The following KLHL14 variants were observed in gnomAD, a reference collection of about 807,000 sequenced individuals.
The protein encoded by KLHL14 is kelch like family member 14, also known as kelch-like protein 14.
Under a neutral mutation model 64.3 loss-of-function variants are expected in KLHL14, and 22 were observed. The observed-to-expected ratio is 0.34, with a 90% CI of 0.24 to 0.49. The LOEUF (loss-of-function observed/expected upper bound fraction) is 0.49. Ranked by LOEUF, KLHL14 falls within the 20% of genes least tolerant of loss-of-function variation. The probability of loss-of-function intolerance (pLI) is 0.99; values close to 1 mark genes in which losing one functional copy is unlikely to be tolerated. For synonymous variants in KLHL14, 322 were observed against 333.4 expected (o/e 0.97, Z 0.37); for missense variants, 661 against 789.0 (o/e 0.84, Z 1.94).
At chr18:32,696,220 A>G (rs942790011) in intron 3 of KLHL14, among the ~76,000 whole-genome samples, 2 of 152,174 alleles carry the variant, frequency 1.3e-5, no homozygotes, top group Non-Finnish European at 2.9e-5. Flanking sequence ...CAGGAACATC[A>G]CAAATATCTA....
chr18:32,769,998 C>A lies in KLHL14; in HGVS notation c.594G>T (p.Leu198=). 1.2e-6 allele frequency: 2 copies of A among 1,614,204 alleles called. No individual in the cohort carries two copies. The highest frequency in any genetic ancestry group is 1.7e-6 in the Non-Finnish European group (2 of 1,180,040). ...TGTTGGCCAGCTTCTTGGTCTCCTC[C>A]AGGCCGTGCAGCGCGGCGATCTTGC... ...QVCKIAALHG[L]EETKKLANKY... Residue 198 remains leucine (L), a synonymous_variant, in exon 2 of 9, where the codon CTG becomes CTT. Coordinates refer to ENST00000359358, the MANE Select transcript of KLHL14 (RefSeq NM_020805.3).
At chr18:32,768,390 GACACACACAC>G (rs10567081) in intron 2 of KLHL14, among the ~76,000 whole-genome samples, 69 of 141,670 alleles carry the variant, frequency 4.9e-4, no homozygotes, top group South Asian at 7.2e-4. Context: ...GAAACATAAT[GACACACACAC>G]ACACACACAC....
chr18:32,679,140 A>G (rs893470659), intron 7 of KLHL14, among the ~76,000 whole-genome samples: 1 of 152,164 alleles, frequency 6.6e-6, no homozygotes, highest in African/African-American at 2.4e-5. Flanking sequence ...GACATGCACT[A>G]GGCTACTGGC....
At chr18:32,735,932 T>C (rs541133740) in intron 3 of KLHL14, among the ~76,000 whole-genome samples, 12 of 152,280 alleles carry the variant, frequency 7.9e-5, no homozygotes, top group African/African-American at 2.6e-4. Context: ...TTTCAGTACT[T>C]ACATTCAATG....
intron 2 of KLHL14, among the ~76,000 whole-genome samples, chr18:32,762,544 T>A (rs899428248): frequency 6.6e-6 from 1 of 152,162 alleles, no homozygotes; most frequent in African/African-American, 2.4e-5. Flanking sequence ...ACCTTTCTGC[T>A]TTACTTCTAG....
intron 5 of KLHL14, among the ~76,000 whole-genome samples, chr18:32,686,088 T>A (rs920720244): frequency 2.0e-5 from 3 of 150,934 alleles, no homozygotes; most frequent in Non-Finnish European, 3.0e-5. Flanking sequence ...CTAGGCTCAC[T>A]GCAACCTCTG....
Position 32,703,547 on chromosome 18 carries a change from A to T in KLHL14, c.1070-7995T>A, listed in dbSNP as rs79777493. 5.4e-3 allele frequency among the ~76,000 whole-genome samples: 828 copies of T among 152,306 alleles called. 5 individuals carry two copies. Among genetic ancestry groups the T allele is most frequent in the African/African-American group, 0.019 (785 of 41,568 alleles). The stretch of plus-strand genomic sequence containing the variant: ...TATATTATTTCTTTCCAGAACTATG[A>T]TAACACCTAATTGTGCCAAGGGCAA... On this transcript the variant is annotated intron_variant, in intron 3 of 8. Transcript: ENST00000359358.
At chr18:32,714,917 ACT>A (rs1010923884) in intron 3 of KLHL14, among the ~76,000 whole-genome samples, 38 of 151,258 alleles carry the variant, frequency 2.5e-4, no homozygotes, top group African/African-American at 8.7e-4. Context: ...TGCAGATTAC[ACT>A]GAGTTGGAGA....
chr18:32,730,027 T>C (rs1354844306), intron 3 of KLHL14, among the ~76,000 whole-genome samples: 1 of 152,228 alleles, frequency 6.6e-6, no homozygotes, highest in African/African-American at 2.4e-5. Flanking sequence ...GAATGGTCTA[T>C]TGTTTTCATC....
chr18:32,675,992 A>C (rs1017650400), intron 8 of KLHL14, among the ~76,000 whole-genome samples: 5 of 152,218 alleles, frequency 3.3e-5, no homozygotes, highest in Non-Finnish European at 7.3e-5. Flanking sequence ...AAACTAACAC[A>C]GGTAATCAGG....
At chr18:32,697,243 T>A (rs955878450) in intron 3 of KLHL14, among the ~76,000 whole-genome samples, 1 of 152,206 alleles carries the variant, frequency 6.6e-6, no homozygotes, top group Non-Finnish European at 1.5e-5. Context: ...AGGTAGAATA[T>A]GTTTGAAAGG....
In KLHL14 at chr18:32,741,112, T is replaced by C. The variant is rs111742693; in HGVS notation, c.1069+816A>G. Among the ~76,000 whole-genome samples the C allele has an allele frequency of 3.4e-3, 525 of 152,372 alleles. 1 individual carries two copies. Among genetic ancestry groups the C allele is most frequent in the African/African-American group, 0.012 (502 of 41,588 alleles). On this transcript the variant is annotated intron_variant, in intron 3 of 8. Transcript: ENST00000359358. The stretch of plus-strand genomic sequence containing the variant: ...TTATGGATTAAAATTGCTCATTTAT[T>C]ATTTTATCTATACAGCTCTGGGCAA...
intron 3 of KLHL14, among the ~76,000 whole-genome samples, chr18:32,701,879 G>T (rs2049967841): frequency 6.6e-6 from 1 of 152,156 alleles, no homozygotes. Flanking sequence ...TATCTGTAGG[G>T]TTGATTCTTC....
chr18:32,693,413 C>CACACACACACACACACACACAGAG (rs1229737083), intron 4 of KLHL14, among the ~76,000 whole-genome samples: 10 of 97,034 alleles, frequency 1.0e-4, no homozygotes, highest in African/African-American at 4.8e-4. Context: ...CACACACACA[C>CACACACACACACACACACACAGAG]AGAGAGAGAG....
At chr18:32,730,304 C>G (rs1312094695) in intron 3 of KLHL14, among the ~76,000 whole-genome samples, 1 of 152,184 alleles carries the variant, frequency 6.6e-6, no homozygotes, top group Non-Finnish European at 1.5e-5. Context: ...GAGCTATGAT[C>G]TCTCTCCTCC....
At chr18:32,695,130 A>C (rs919414449) in intron 4 of KLHL14, among the ~76,000 whole-genome samples, 1 of 152,118 alleles carries the variant, frequency 6.6e-6, no homozygotes, top group Non-Finnish European at 1.5e-5. Flanking sequence ...GATGGTGAGG[A>C]TTCTTAACAG....
chr18:32,770,032 T>C lies in KLHL14; in HGVS notation c.560A>G (p.Lys187Arg). 6.2e-7 allele frequency: 1 copy of C among 1,614,038 alleles called. No individual in the cohort carries two copies. Residue 187 changes from lysine to arginine, a missense_variant, in exon 2 of 9, where the codon AAG becomes AGG. Around this residue, in one of 2 missense-constraint regions of KLHL14, gnomAD observed 331 missense variants for 339.0 expected, o/e 0.98. Transcript: ENST00000359358. This position sits in a 1 kb window ranked among gnomAD's most constrained non-coding sequence, Gnocchi z 6.7. ...CAGCGCGGCGATCTTGCACACCTGC[T>C]TGTAGTTCTGCACCGAGATCTGGTC... ...LNDQISVQNY[K>R]QVCKIAALHG...
chr18:32,758,837 C>A (rs2050297754), intron 2 of KLHL14, among the ~76,000 whole-genome samples: 1 of 152,202 alleles, frequency 6.6e-6, no homozygotes, highest in African/African-American at 2.4e-5. Context: ...TTCAAAAAAA[C>A]CCACATATTG....
intron 2 of KLHL14, among the ~76,000 whole-genome samples, chr18:32,748,592 G>A (rs1251170486): frequency 6.6e-6 from 1 of 151,018 alleles, no homozygotes; most frequent in South Asian, 2.1e-4. Context: ...CTGGCCTGGT[G>A]ATCCACCCGC....
Sources: allele counts gnomAD v4.1 joint callset (sites outside exome capture counted in the v4.1 genomes callset), GRCh38; gene constraint gnomAD v4.1.1; regional missense constraint gnomAD v4.1.1; non-coding constraint Gnocchi (gnomAD v3.1); transcripts MANE v1.5; gene names NCBI Gene and HGNC (gene_info 2026-07-23, HGNC 2026-07-21).